Variants in ASCC3 observed in about 807,000 individuals in gnomAD.
The protein encoded by ASCC3 is activating signal cointegrator 1 complex subunit 3, also known as ASC-1 complex subunit P200.
In ASCC3, 158 loss-of-function variants were observed where a neutral mutation model predicts 256.3. The ratio of observed to expected loss-of-function variants is 0.62; its 90% CI spans 0.54 to 0.70. The LOEUF (loss-of-function observed/expected upper bound fraction) is 0.70. Among genes scored for constraint, ASCC3 ranks in the 30% least tolerant of loss-of-function variants. The probability of loss-of-function intolerance (pLI) is 0.00; values close to 1 mark genes in which losing one functional copy is unlikely to be tolerated. For missense variants in ASCC3, 2,259 were observed against 2,626.0 expected (o/e 0.86, Z 3.05); for synonymous variants, 948 against 883.4 (o/e 1.07, Z -1.30).
At chr6:100,660,357 G>T (rs1776132804) in intron 16 of ASCC3, among the ~76,000 whole-genome samples, 1 of 151,504 alleles carries the variant, frequency 6.6e-6, no homozygotes, top group Admixed American at 6.6e-5. Flanking sequence ...AGAGTCTCTG[G>T]TATACAGCAG....
intron 30 of ASCC3, 103 bp downstream of exon 30, chr6:100,625,089 T>A (rs1774158559): frequency 7.2e-6 from 10 of 1,390,742 alleles, no homozygotes; most frequent in Non-Finnish European, 1.0e-5. Flanking sequence ...GGCGGTATTA[T>A]GAATTTCTTC....
chr6:100,602,001 C>T, intron 33 of ASCC3, 66 bp from the exon 34 acceptor site: 2 of 1,549,084 alleles, frequency 1.3e-6, no homozygotes, highest in South Asian at 1.2e-5. Context: ...AAATTTATCT[C>T]ACATAGTCAA....
At chr6:100,786,582 T>C (rs1769094534) in intron 8 of ASCC3, among the ~76,000 whole-genome samples, 1 of 152,184 alleles carries the variant, frequency 6.6e-6, no homozygotes. Flanking sequence ...ATTTAAAGGT[T>C]CAACTCAGAG....
rs141697652 is a variant in ASCC3 at position 100,799,334 on chromosome 6, A to G, written c.1269+97T>C. On this transcript the variant is annotated intron_variant, in intron 7 of 41. Transcript: ENST00000369162. ...CTTTAAAATAAAATTTAGCATAGTC[A>G]ACTAGTGTTAGACTCACGAAGGAAC... is the stretch of plus-strand genomic sequence containing the variant. 6.9e-4 allele frequency: 929 copies of G among 1,338,146 alleles called. 4 individuals are homozygous for G. The African/African-American group carries it at 0.012, about 17-fold the overall frequency. The allele number at this position is 1,338,146 out of a possible 1,614,324, so 82.9% of individuals were successfully genotyped here. A position where few individuals can be genotyped will look rare whatever the true frequency, so the allele number is the denominator to read the frequency against.
intron 30 of ASCC3, among the ~76,000 whole-genome samples, chr6:100,615,474 T>A (rs1773624171): frequency 6.6e-6 from 1 of 152,190 alleles, no homozygotes; most frequent in African/African-American, 2.4e-5. Context: ...TTGTGCTATC[T>A]GGACAATCAC....
chr6:100,807,677 C>G, intron 4 of ASCC3, among the ~76,000 whole-genome samples: 1 of 151,706 alleles, frequency 6.6e-6, no homozygotes, highest in South Asian at 2.1e-4. Flanking sequence ...CAAATACAAA[C>G]AACAACAACA....
intron 10 of ASCC3, among the ~76,000 whole-genome samples, chr6:100,753,441 T>C (rs1026119686): frequency 6.6e-6 from 1 of 151,514 alleles, no homozygotes; most frequent in Admixed American, 6.6e-5. Flanking sequence ...AGGAGGAAGG[T>C]TGTATTAATG....
At chr6:100,827,068 G>C (rs1169825659) in intron 4 of ASCC3, among the ~76,000 whole-genome samples, 2 of 152,154 alleles carry the variant, frequency 1.3e-5, no homozygotes, top group Non-Finnish European at 1.5e-5. Context: ...CATTAGTCTG[G>C]ATTCTACTGT....
intron 25 of ASCC3, 125 bp from the exon 26 acceptor site, chr6:100,631,338 T>C: frequency 1.4e-6 from 1 of 700,096 alleles, no homozygotes; most frequent in Non-Finnish European, 2.5e-6. Flanking sequence ...CTTTTAATTC[T>C]GAATACTCAA....
rs1015028225 is a variant in ASCC3 at position 100,718,377 on chromosome 6, G to T, written c.1903-126C>A. The T allele has an allele frequency of 7.1e-6, 5 of 703,942 alleles. No individual in the cohort carries two copies. The African/African-American group carries it at 7.2e-5, about 10-fold the overall frequency. The allele number at this position is 703,942 out of a possible 1,614,324, so 43.6% of individuals were successfully genotyped here. ...GAGATGAGTGTAGAGGTCAATTGAG[G>T]GTCCTATCATGTCAGACATTGTAGC... On this transcript the variant is annotated intron_variant, in intron 11 of 41. Transcript: ENST00000369162.
intron 36 of ASCC3, among the ~76,000 whole-genome samples, chr6:100,567,487 G>A (rs1489992995): frequency 1.3e-5 from 2 of 152,120 alleles, no homozygotes; most frequent in Non-Finnish European, 2.9e-5. Flanking sequence ...GTGTGATGCT[G>A]AGGTTTGGGT....
At chr6:100,758,709 T>C (rs547971821) in intron 10 of ASCC3, among the ~76,000 whole-genome samples, 15 of 152,336 alleles carry the variant, frequency 9.8e-5, no homozygotes, top group African/African-American at 3.4e-4. Context: ...CGTGTGTATG[T>C]GTCTTTATAG....
intron 13 of ASCC3, among the ~76,000 whole-genome samples, chr6:100,703,371 C>A (rs1011757001): frequency 2.0e-5 from 3 of 151,894 alleles, no homozygotes; most frequent in Non-Finnish European, 2.9e-5. Context: ...AGAGAAGAGA[C>A]AAATACTTAC....
intron 36 of ASCC3, among the ~76,000 whole-genome samples, chr6:100,544,997 C>T (rs143161345): frequency 1.7e-3 from 263 of 152,194 alleles, no homozygotes; most frequent in African/African-American, 5.8e-3. Flanking sequence ...ATTGGTTAAA[C>T]ACTCAAACAT....
intron 19 of ASCC3, 82 bp from the exon 20 acceptor site, chr6:100,650,796 T>A: frequency 9.3e-7 from 1 of 1,076,942 alleles, no homozygotes; most frequent in Non-Finnish European, 1.4e-6. Flanking sequence ...CATTGCATGT[T>A]TTTAAAGAGT....
chr6:100,625,072 G>T, intron 30 of ASCC3, 120 bp downstream of exon 30: 1 of 1,120,398 alleles, frequency 8.9e-7, no homozygotes, highest in East Asian at 2.6e-5. Flanking sequence ...TAATAGTGTG[G>T]TAAGGTGGCG....
chr6:100,563,919 T>A (rs1770089117), intron 36 of ASCC3, among the ~76,000 whole-genome samples: 1 of 152,064 alleles, frequency 6.6e-6, no homozygotes, highest in Admixed American at 6.6e-5. Flanking sequence ...ATACATATTA[T>A]TTTATTTAAT....
chr6:100,755,480 C>T (rs931000351), intron 10 of ASCC3, among the ~76,000 whole-genome samples: 6 of 151,944 alleles, frequency 3.9e-5, no homozygotes, highest in Non-Finnish European at 5.9e-5. Context: ...GATCCTCCCA[C>T]CTCAGCCTCC....
chr6:100,646,028 T>C (rs1028876177), intron 22 of ASCC3, among the ~76,000 whole-genome samples: 1 of 152,034 alleles, frequency 6.6e-6, no homozygotes, highest in African/African-American at 2.4e-5. Flanking sequence ...TTAAGAGACA[T>C]CAAGATGAAA....
Sources: gnomAD v4.1 joint callset for allele counts (sites outside exome capture counted in the v4.1 genomes callset) on GRCh38, gnomAD v4.1.1 for gene constraint, MANE v1.5 for transcripts, NCBI Gene and HGNC (gene_info 2026-07-23, HGNC 2026-07-21) for gene names.